The following NCALD variants were observed in gnomAD, a reference collection of about 807,000 sequenced individuals.
NCALD encodes neurocalcin delta, also known as neurocalcin-delta.
Under a neutral mutation model 18.6 loss-of-function variants are expected in NCALD, and 10 were observed. That is an observed-to-expected ratio of 0.54 (90% confidence interval 0.33 to 0.91). The LOEUF (loss-of-function observed/expected upper bound fraction) is 0.91, where lower values mean the gene tolerates loss of function less well. NCALD is among the 40% of genes least tolerant of loss of function. The pLI, the probability that NCALD is intolerant of heterozygous loss-of-function variation, is 0.03. For synonymous variants in NCALD, 88 were observed against 87.4 expected, an observed-to-expected ratio of 1.01 and a Z score of -0.04; for missense variants, 184 against 247.6, an observed-to-expected ratio of 0.74 and a Z score of 1.72.
intron 4 of NCALD, among the ~76,000 whole-genome samples, chr8:101,885,136 T>C (rs967799122): frequency 2.0e-5 from 3 of 152,192 alleles, no homozygotes; most frequent in Non-Finnish European, 2.9e-5. Flanking sequence ...ATAGGGAGCC[T>C]TGGGAAGAGT....
At chr8:102,076,090 C>T (rs1227911786) in intron 1 of NCALD, among the ~76,000 whole-genome samples, 2 of 151,656 alleles carry the variant, frequency 1.3e-5, no homozygotes, top group South Asian at 2.1e-4. Context: ...GAATATAAAA[C>T]TTGTGTATGC....
chr8:101,818,687 T>C (rs1486625149), intron 4 of NCALD, among the ~76,000 whole-genome samples: 1 of 152,176 alleles, frequency 6.6e-6, no homozygotes, highest in East Asian at 1.9e-4. Context: ...CTTCTAGATT[T>C]TCCCTATTAT....
intron 1 of NCALD, among the ~76,000 whole-genome samples, chr8:102,060,891 C>A (rs945553366): frequency 2.6e-4 from 40 of 152,166 alleles, no homozygotes; most frequent in African/African-American, 9.4e-4. Context: ...CCAAAACATA[C>A]CTAAAATTCT....
chr8:101,698,402 T>C (rs1054981989), intron 2 of NCALD, among the ~76,000 whole-genome samples: 13 of 152,122 alleles, frequency 8.5e-5, no homozygotes, highest in South Asian at 2.1e-4. Flanking sequence ...CAAACTACCA[T>C]TGACATTCTT....
At chr8:101,892,495 G>T (rs551281736) in intron 3 of NCALD, among the ~76,000 whole-genome samples, 2 of 149,426 alleles carry the variant, frequency 1.3e-5, no homozygotes, top group Non-Finnish European at 1.5e-5. Context: ...CACCAGCAAC[G>T]GAACAAAGCT....
chr8:102,074,086 C>A (rs1359089675), intron 1 of NCALD, among the ~76,000 whole-genome samples: 1 of 152,166 alleles, frequency 6.6e-6, no homozygotes, highest in Admixed American at 6.5e-5. Flanking sequence ...CTGATTCACC[C>A]AGTGACATTT....
chr8:102,057,285 C>CACACACAA (rs1318802584), intron 1 of NCALD, among the ~76,000 whole-genome samples: 1 of 151,074 alleles, frequency 6.6e-6, no homozygotes, highest in Admixed American at 6.6e-5. Flanking sequence ...CACACACACA[C>CACACACAA]ATATGTACAT....
At chr8:101,860,662 A>T (rs490096) in intron 4 of NCALD, among the ~76,000 whole-genome samples, 57,929 of 152,038 alleles carry the variant, frequency 0.38, 13,631 homozygotes, top group African/African-American at 0.66. Context: ...AAACAGTGAA[A>T]ATTGTTTTAA....
chr8:101,760,396 C>T (rs570640312), intron 1 of NCALD, among the ~76,000 whole-genome samples: 20 of 152,302 alleles, frequency 1.3e-4, no homozygotes, highest in African/African-American at 4.3e-4. Context: ...AGGATTGCCA[C>T]AGGCCATACT....
At chr8:101,756,657 G>A (rs768087962) in intron 1 of NCALD, among the ~76,000 whole-genome samples, 8 of 152,192 alleles carry the variant, frequency 5.3e-5, no homozygotes, top group Non-Finnish European at 1.0e-4. Context: ...TTGGATTTCC[G>A]AAGAATTAAC....
chr8:101,979,914 T>G (rs1253642821), intron 2 of NCALD, among the ~76,000 whole-genome samples: 1 of 152,138 alleles, frequency 6.6e-6, no homozygotes, highest in Non-Finnish European at 1.5e-5. Flanking sequence ...AATCAGAAAC[T>G]CAGCCAGGAT....
At chr8:102,018,361 G>T (rs2226768) in intron 2 of NCALD, among the ~76,000 whole-genome samples, 119,270 of 152,072 alleles carry the variant, frequency 0.78, 47,329 homozygotes, top group African/African-American at 0.89. Flanking sequence ...CATCATTTGG[G>T]GAATGGATAA....
intron 4 of NCALD, among the ~76,000 whole-genome samples, chr8:101,886,679 G>A (rs1816685533): frequency 6.6e-6 from 1 of 152,114 alleles, no homozygotes; most frequent in Admixed American, 6.5e-5. Flanking sequence ...TACTATAATA[G>A]AATTTCAAAA....
At chr8:101,753,433 C>G (rs933464405) in intron 1 of NCALD, among the ~76,000 whole-genome samples, 1 of 152,210 alleles carries the variant, frequency 6.6e-6, no homozygotes, top group African/African-American at 2.4e-5. Context: ...AACCATTTCT[C>G]TTCACTTTCC....
At chr8:101,950,908 T>C (rs1021118845) in intron 2 of NCALD, among the ~76,000 whole-genome samples, 1 of 152,134 alleles carries the variant, frequency 6.6e-6, no homozygotes, top group Non-Finnish European at 1.5e-5. Context: ...CACAGCAGAG[T>C]TGACTCAGAT....
intron 2 of NCALD, among the ~76,000 whole-genome samples, chr8:101,958,246 T>C (rs1819707225): frequency 6.6e-6 from 1 of 152,180 alleles, no homozygotes; most frequent in Non-Finnish European, 1.5e-5. Flanking sequence ...CGACATGTTT[T>C]TGTCTGGTCA....
chr8:101,689,338 A>C lies in NCALD; in HGVS notation c.553T>G (p.Cys185Gly). 6.2e-7 allele frequency: 1 copy of C among 1,613,812 alleles called. No homozygotes were observed. Among genetic ancestry groups the C allele is most frequent in the Non-Finnish European group, 8.5e-7 (1 of 1,179,910 alleles). Residue 185 changes from cysteine (C) to glycine (G), a missense_variant, in exon 4 of 4, where the codon TGC becomes GGC. Physicochemically the swap from Cys to Gly is radical, Grantham distance 159. Transcript: ENST00000220931. This position sits in a 1 kb window ranked among gnomAD's most constrained non-coding sequence, Gnocchi z 4.4. Reference protein sequence around the residue: ...SDPSIVRLLQCDPSSAGQF With the variant: ...SDPSIVRLLQGDPSSAGQF ...AACTGGCCGGCACTGCTCGGGTCGC[A>C]CTGCAGGAGGCGCACAATGGACGGG...
At chr8:102,030,834 C>T (rs958636818) in intron 1 of NCALD, among the ~76,000 whole-genome samples, 5 of 151,748 alleles carry the variant, frequency 3.3e-5, no homozygotes, top group African/African-American at 1.2e-4. Flanking sequence ...CACGATCACA[C>T]CACTGCACTC....
intron 1 of NCALD, among the ~76,000 whole-genome samples, chr8:102,023,933 GC>G (rs1430158007): frequency 2.6e-5 from 4 of 152,090 alleles, no homozygotes; most frequent in Non-Finnish European, 4.4e-5. Flanking sequence ...CTCCTAAGTG[GC>G]CCCTCTGTGA....
Sources: gnomAD v4.1 joint callset for allele counts (sites outside exome capture counted in the v4.1 genomes callset) on GRCh38, gnomAD v4.1.1 for gene constraint, Gnocchi (gnomAD v3.1) non-coding constraint, MANE v1.5 for transcripts, NCBI Gene and HGNC (gene_info 2026-07-23, HGNC 2026-07-21) for gene names.